MPHOSPH8: variants seen among roughly 807,000 people sequenced by gnomAD.
The protein encoded by MPHOSPH8 is M-phase phosphoprotein, mpp.
A neutral mutation model predicts 87.3 loss-of-function variants in MPHOSPH8; 45 were observed. The ratio of observed to expected loss-of-function variants is 0.52; its 90% CI spans 0.41 to 0.66. The LOEUF is 0.66. Among genes scored for constraint, MPHOSPH8 ranks in the 30% least tolerant of loss-of-function variants. The pLI is 0.00. For missense variants in MPHOSPH8, 883 were observed against 1,020.2 expected (o/e 0.87, Z 1.83); for synonymous variants, 366 against 376.9 (o/e 0.97, Z 0.33).
At chr13:19,643,655 A>AT (rs199507481) in intron 2 of MPHOSPH8, among the ~76,000 whole-genome samples, 2 of 151,816 alleles carry the variant, frequency 1.3e-5, no homozygotes, top group East Asian at 1.9e-4. Flanking sequence ...AAATATGGGT[A>AT]TTTTTTTTGG....
chr13:19,645,110 C>T (rs746544277), intron 2 of MPHOSPH8, among the ~76,000 whole-genome samples: 2 of 152,112 alleles, frequency 1.3e-5, no homozygotes, highest in Admixed American at 6.6e-5. Flanking sequence ...TTTGCAGGGC[C>T]TGGGAGGGGT....
chr13:19,661,968 G>A (rs1875559213), intron 8 of MPHOSPH8, 130 bp downstream of exon 8: 1 of 1,183,636 alleles, frequency 8.4e-7, no homozygotes, highest in African/African-American at 1.6e-5. Context: ...TTTAGACGGA[G>A]TCTCGCTCTG....
chr13:19,668,345 T>C (rs1239787688), intron 10 of MPHOSPH8, 32 bp from the exon 11 acceptor site: 1 of 1,595,302 alleles, frequency 6.3e-7, no homozygotes, highest in Non-Finnish European at 8.6e-7. Context: ...TTTTCTACAT[T>C]AACGTTAACA....
rs183150587 is a variant in MPHOSPH8 at position 19,633,978 on chromosome 13, C to T, written c.213+17C>T. 72 of 1,596,780 alleles carry T rather than the reference C, an allele frequency of 4.5e-5. No individual in the cohort carries two copies. Among genetic ancestry groups the T allele is most frequent in the Non-Finnish European group, 5.7e-5 (67 of 1,172,570 alleles). The stretch of plus-strand genomic sequence containing the variant: ...ACCGAGGGGGTATGTGGAGGGGCCC[C>T]GGCGCGGGGCTGGGCGGGGAGCTCC... On this transcript the variant is annotated intron_variant, in intron 1 of 13. Transcript: ENST00000361479.
chr13:19,638,259 T>C (rs1593465308), intron 1 of MPHOSPH8, among the ~76,000 whole-genome samples: 1 of 152,022 alleles, frequency 6.6e-6, no homozygotes, highest in East Asian at 1.9e-4. Flanking sequence ...AATAAAACTG[T>C]ATTGATGTAC....
intron 7 of MPHOSPH8, among the ~76,000 whole-genome samples, chr13:19,661,301 C>T (rs753257003): frequency 6.6e-6 from 1 of 152,144 alleles, no homozygotes; most frequent in African/African-American, 2.4e-5. Context: ...TCTTAATTTA[C>T]AACACTTTAT....
intron 5 of MPHOSPH8, among the ~76,000 whole-genome samples, chr13:19,652,535 G>GC (rs1275999707): frequency 6.6e-6 from 1 of 152,018 alleles, no homozygotes. Context: ...AGCTGCAGAA[G>GC]TTTTTTTTCC....
At chr13:19,650,344 A>C in intron 5 of MPHOSPH8, 84 bp downstream of exon 5, 577 of 1,403,662 alleles carry the variant, frequency 4.1e-4, no homozygotes, top group Non-Finnish European at 5.1e-4. Context: ...TTCTGATCTC[A>C]ACGATCAAAA....
chr13:19,663,810 A>G (rs1402608572), intron 9 of MPHOSPH8, among the ~76,000 whole-genome samples: 1 of 152,042 alleles, frequency 6.6e-6, no homozygotes, highest in Admixed American at 6.5e-5. Context: ...CCTTCCTGGG[A>G]TGCTTGGCTC....
At position 19,646,863 on chromosome 13, in the gene MPHOSPH8, T is replaced by C. The variant is rs983812411; in HGVS notation, c.790T>C (p.Ser264Pro). ...AAAATTTGTCGAATCCCAGGTGGAA[T>C]CTGAATCAAGTGTACTTAATGATTC... ...KEKFVESQVE[S>P]ESSVLNDSPF... Residue 264 changes from serine to proline, a missense_variant, in exon 3 of 14, where the codon TCT becomes CCT. Ser to Pro is a moderately conservative substitution (Grantham distance 74). This residue lies in a region of MPHOSPH8 where 741 missense variants were observed against 841.5 expected (regional missense o/e 0.88). Transcript: ENST00000361479. 1.2e-6 allele frequency: 2 copies of C among 1,606,258 alleles called. No homozygotes were observed. Among genetic ancestry groups the C allele is most frequent in the Non-Finnish European group, 1.7e-6 (2 of 1,178,328 alleles).
In MPHOSPH8 at chr13:19,671,204, A is replaced by G. The variant is rs1376503387; in HGVS notation, c.2458-2A>G. ...GACTTTTTTTTTCTCTTTCCATTGT[A>G]GGACAGTCATTTTGTTTACTCATTC... On this transcript the variant is annotated splice_acceptor_variant, in intron 12 of 13. Transcript: ENST00000361479. LOFTEE classifies it high-confidence loss of function. The G allele has an allele frequency of 6.2e-7, 1 of 1,613,418 alleles. No individual in the cohort carries two copies. Among genetic ancestry groups the G allele is most frequent in the African/African-American group, 1.3e-5 (1 of 74,864 alleles).
intron 1 of MPHOSPH8, among the ~76,000 whole-genome samples, chr13:19,641,463 C>T (rs1253169965): frequency 1.4e-5 from 2 of 145,676 alleles, no homozygotes; most frequent in Non-Finnish European, 3.0e-5. Context: ...GCTGGGACTA[C>T]AGGCACGTGC....
chr13:19,654,724 G>C (rs1206285695), intron 5 of MPHOSPH8, among the ~76,000 whole-genome samples: 1 of 152,168 alleles, frequency 6.6e-6, no homozygotes, highest in African/African-American at 2.4e-5. Flanking sequence ...CGAGGCGGGT[G>C]AATCACCTGA....
chr13:19,640,902 G>A (rs1311341932), intron 1 of MPHOSPH8, among the ~76,000 whole-genome samples: 5 of 152,082 alleles, frequency 3.3e-5, no homozygotes, highest in African/African-American at 7.2e-5. Context: ...TGCTTGATAC[G>A]TAAGTGAAAA....
In MPHOSPH8 at chr13:19,659,234, A is replaced by T; in HGVS notation, c.1736A>T (p.Tyr579Phe). 1 of 1,612,804 alleles carries T rather than the reference A, an allele frequency of 6.2e-7. No homozygotes were observed. Among genetic ancestry groups the T allele is most frequent in the Non-Finnish European group, 8.5e-7 (1 of 1,179,590 alleles). ...AGGGATGCTGTGAAAAATGGGGATTATATTACTGTAAAAGTTGCACTTAAT... is the reference window on the plus strand; with the variant it reads ...AGGGATGCTGTGAAAAATGGGGATTTTATTACTGTAAAAGTTGCACTTAAT... The part of the protein sequence containing the change: ...VLRDAVKNGD[Y>F]ITVKVALNSN... The change falls in exon 7 of 14, where the codon TAT (tyrosine) becomes TTT (phenylalanine). Residue 579 changes from tyrosine (Y) to phenylalanine (F), a missense_variant. Tyr to Phe is a conservative substitution (Grantham distance 22, BLOSUM62 3). Coordinates refer to ENST00000361479, the MANE Select transcript of MPHOSPH8 (RefSeq NM_017520.4).
chr13:19,671,294 C>CA lies in MPHOSPH8; in HGVS notation c.2541+6dup. The CA allele has an allele frequency of 6.2e-7, 1 of 1,608,162 alleles. No individual in the cohort carries two copies. Among genetic ancestry groups the CA allele is most frequent in the Non-Finnish European group, 8.5e-7 (1 of 1,174,660 alleles). ...ACAGAAGCACCCTCTGCCAAGGTGA[C>CA]AGTCCTTTCTTCACATTTAGTGTCA... On this transcript the variant is annotated splice_donor_region_variant and intron_variant, in intron 13 of 13. Coordinates refer to ENST00000361479, the MANE Select transcript of MPHOSPH8 (RefSeq NM_017520.4).
intron 12 of MPHOSPH8, 87 bp from the exon 13 acceptor site, chr13:19,671,115 CTTAT>C: frequency 4.0e-6 from 6 of 1,511,846 alleles, no homozygotes; most frequent in Non-Finnish European, 5.3e-6. Context: ...AAAAATAAAA[CTTAT>C]TTATGATTCT....
At chr13:19,647,916 A>G (rs1268088129) in intron 3 of MPHOSPH8, among the ~76,000 whole-genome samples, 1 of 152,178 alleles carries the variant, frequency 6.6e-6, no homozygotes, top group African/African-American at 2.4e-5. Flanking sequence ...ATAGTTATTT[A>G]TGGCAGTATT....
intron 10 of MPHOSPH8, among the ~76,000 whole-genome samples, chr13:19,667,836 T>C (rs1875900200): frequency 6.6e-6 from 1 of 152,250 alleles, no homozygotes; most frequent in South Asian, 2.1e-4. Context: ...ACTTAAGAAC[T>C]CTTGGCAACA....
Sources: gnomAD v4.1 joint callset for allele counts (sites outside exome capture counted in the v4.1 genomes callset) on GRCh38, gnomAD v4.1.1 for gene constraint, gnomAD v4.1.1 regional missense constraint, MANE v1.5 for transcripts, NCBI Gene and HGNC (gene_info 2026-07-23, HGNC 2026-07-21) for gene names.